The following CERS6 variants were observed in gnomAD, a reference collection of about 807,000 sequenced individuals.
CERS6 encodes LAG1 homolog, ceramide synthase 6.
A neutral mutation model predicts 56.8 loss-of-function variants in CERS6; 26 were observed. The observed-to-expected ratio is 0.46, with a 90% CI of 0.34 to 0.63. CERS6 has a LOEUF of 0.63. Among genes scored for constraint, CERS6 ranks in the 30% least tolerant of loss-of-function variants. The probability of loss-of-function intolerance (pLI) is 0.01; values close to 1 mark genes in which losing one functional copy is unlikely to be tolerated. For synonymous variants in CERS6, 164 were observed against 173.3 expected, an observed-to-expected ratio of 0.95 and a Z score of 0.42; for missense variants, 415 against 467.5, an observed-to-expected ratio of 0.89 and a Z score of 1.04.
At chr2:168,707,190 T>G (rs947609136) in intron 6 of CERS6, among the ~76,000 whole-genome samples, 2 of 152,184 alleles carry the variant, frequency 1.3e-5, no homozygotes, top group African/African-American at 4.8e-5. Flanking sequence ...ACCAATTAAT[T>G]TCATGGCACT....
At chr2:168,579,666 C>CA (rs1329501399) in intron 3 of CERS6, among the ~76,000 whole-genome samples, 1 of 152,178 alleles carries the variant, frequency 6.6e-6, no homozygotes, top group African/African-American at 2.4e-5. Flanking sequence ...CAGGTATACC[C>CA]ACCTGGAGCT....
At chr2:168,554,770 A>G (rs1695645210) in intron 2 of CERS6, among the ~76,000 whole-genome samples, 1 of 152,242 alleles carries the variant, frequency 6.6e-6, no homozygotes, top group Non-Finnish European at 1.5e-5. Flanking sequence ...TGTTGAAAAT[A>G]AGAGCATAGG....
intron 8 of CERS6, among the ~76,000 whole-genome samples, chr2:168,732,496 T>C (rs566623525): frequency 6.6e-6 from 1 of 152,366 alleles, no homozygotes; most frequent in East Asian, 1.9e-4. Context: ...TACTGTTTTC[T>C]CCCCAAATCA....
rs114538147 is a variant in CERS6 at position 168,756,349 on chromosome 2, G to A, written c.846-9243G>A. ...TTCAAAGAGAAAAGCAAAGAAAAGG[G>A]CACAGGGCTGGCACTCCCATTTCCC... On this transcript the variant is annotated intron_variant, in intron 8 of 9. Coordinates refer to ENST00000305747, the MANE Select transcript of CERS6 (RefSeq NM_203463.3). Among the ~76,000 whole-genome samples the A allele has an allele frequency of 3.8e-3, 580 of 152,306 alleles. 4 individuals carry two copies. Among genetic ancestry groups the A allele is most frequent in the African/African-American group, 0.014 (564 of 41,566 alleles).
chr2:168,739,161 G>A (rs920567936), intron 8 of CERS6, among the ~76,000 whole-genome samples: 4 of 144,258 alleles, frequency 2.8e-5, no homozygotes, highest in Non-Finnish European at 6.0e-5. Flanking sequence ...CGCCTGCCTC[G>A]GCCTCCCAAA....
At chr2:168,572,405 A>G (rs140971173) in intron 3 of CERS6, among the ~76,000 whole-genome samples, 1 of 152,216 alleles carries the variant, frequency 6.6e-6, no homozygotes, top group East Asian at 1.9e-4. Context: ...ACCCACAAAT[A>G]AAGAGAAGTA....
intron 1 of CERS6, among the ~76,000 whole-genome samples, chr2:168,499,685 A>G (rs1202650215): frequency 6.6e-6 from 1 of 152,154 alleles, no homozygotes; most frequent in East Asian, 1.9e-4. Flanking sequence ...CAGCCCAGTG[A>G]TCTAAAACCA....
intron 8 of CERS6, among the ~76,000 whole-genome samples, chr2:168,721,942 G>A (rs1199998551): frequency 6.6e-6 from 1 of 152,242 alleles, no homozygotes; most frequent in East Asian, 1.9e-4. Flanking sequence ...TTACAGAGTT[G>A]CAGCACTATT....
At chr2:168,739,052 ATTTTTTTTT>A (rs59967315) in intron 8 of CERS6, among the ~76,000 whole-genome samples, 15 of 87,644 alleles carry the variant, frequency 1.7e-4, no homozygotes, top group East Asian at 6.9e-4. Flanking sequence ...CACCCGGCTA[ATTTTTTTTT>A]TTTTTTTTTT....
At chr2:168,588,817 C>A (rs1412429138) in intron 3 of CERS6, among the ~76,000 whole-genome samples, 2 of 152,244 alleles carry the variant, frequency 1.3e-5, no homozygotes, top group Non-Finnish European at 2.9e-5. Flanking sequence ...TCACTCACTG[C>A]AACCTCCACC....
chr2:168,660,368 G>C (rs1685598899), intron 4 of CERS6, among the ~76,000 whole-genome samples: 1 of 152,140 alleles, frequency 6.6e-6, no homozygotes. Flanking sequence ...CACCTAATGA[G>C]GCATTGTTTT....
At chr2:168,752,301 GTGTGTGTGTGTGTGTGTA>G (rs1184070959) in intron 8 of CERS6, among the ~76,000 whole-genome samples, 2 of 150,406 alleles carry the variant, frequency 1.3e-5, no homozygotes, top group African/African-American at 4.9e-5. Context: ...GTGTGTGTGT[GTGTGTGTGTGTGTGTGTA>G]TAGAGAGAGA....
At chr2:168,572,456 A>G (rs1204180515) in intron 3 of CERS6, among the ~76,000 whole-genome samples, 1 of 152,068 alleles carries the variant, frequency 6.6e-6, no homozygotes, top group Non-Finnish European at 1.5e-5. Context: ...CACAGCTACT[A>G]AGCAGCAGAG....
intron 1 of CERS6, among the ~76,000 whole-genome samples, chr2:168,490,628 C>T (rs13419898): frequency 0.078 from 11,819 of 152,186 alleles, 515 homozygotes; most frequent in East Asian, 0.18. Flanking sequence ...TGACTTTTCT[C>T]ACTCAGGTCA....
intron 4 of CERS6, among the ~76,000 whole-genome samples, chr2:168,671,958 C>T (rs962014431): frequency 6.6e-6 from 1 of 152,146 alleles, no homozygotes; most frequent in Non-Finnish European, 1.5e-5. Flanking sequence ...TCATTTAACT[C>T]AATGATGCAT....
intron 3 of CERS6, among the ~76,000 whole-genome samples, chr2:168,593,037 C>T (rs962580017): frequency 3.3e-5 from 5 of 152,126 alleles, no homozygotes; most frequent in African/African-American, 1.2e-4. Context: ...CTAGAGTCCA[C>T]CTGGGCTTCT....
chr2:168,762,353 G>T (rs192305854), intron 8 of CERS6, among the ~76,000 whole-genome samples: 1 of 152,134 alleles, frequency 6.6e-6, no homozygotes, highest in Non-Finnish European at 1.5e-5. Flanking sequence ...ATGCTCAATG[G>T]CTGGAGCTTC....
In CERS6 at chr2:168,578,943, T is replaced by C. The variant is rs543914349; in HGVS notation, c.407+17621T>C. 3.7e-4 allele frequency among the ~76,000 whole-genome samples: 57 copies of C among 152,310 alleles called. No homozygotes were observed. The South Asian group carries it at 0.011, about 30-fold the overall frequency. ...TGGCTGAACTCAAATCAGAGACTTA[T>C]ATATAAATATAATAAAGTTTTAATC... On this transcript the variant is annotated intron_variant, in intron 3 of 9. Coordinates refer to ENST00000305747, the MANE Select transcript of CERS6 (RefSeq NM_203463.3).
intron 1 of CERS6, among the ~76,000 whole-genome samples, chr2:168,534,719 A>G (rs962577236): frequency 1.2e-4 from 18 of 152,194 alleles, no homozygotes; most frequent in Non-Finnish European, 2.2e-4. Context: ...GGCATGGGGA[A>G]CAACAGGACC....
Sources: allele counts gnomAD v4.1 joint callset (sites outside exome capture counted in the v4.1 genomes callset), GRCh38; gene constraint gnomAD v4.1.1; transcripts MANE v1.5; gene names NCBI Gene and HGNC (gene_info 2026-07-23, HGNC 2026-07-21).